The following STXBP5L variants were observed in gnomAD, a reference collection of about 807,000 sequenced individuals.
The protein encoded by STXBP5L is syntaxin binding protein 5L, also known as syntaxin-binding protein 5-like.
A neutral mutation model predicts 144.5 loss-of-function variants in STXBP5L; 65 were observed. The observed-to-expected ratio is 0.45, with a 90% CI of 0.37 to 0.55. The LOEUF is 0.55. Ranked by LOEUF, STXBP5L falls within the 20% of genes least tolerant of loss-of-function variation. The pLI, the probability that STXBP5L is intolerant of heterozygous loss-of-function variation, is 0.00. For synonymous variants in STXBP5L, 505 were observed against 469.6 expected (o/e 1.08, Z -0.97); for missense variants, 1,298 against 1,405.5 (o/e 0.92, Z 1.22).
chr3:121,381,237 G>A lies in STXBP5L; in HGVS notation c.2348-56G>A. ...TTGATTTATATATATTAAATCTGAT[G>A]TTATTGTGGAAATATACTAACAATT... On this transcript the variant is annotated intron_variant, in intron 21 of 26. Coordinates refer to ENST00000471454, the MANE Select transcript of STXBP5L (RefSeq NM_001308330.2). 4.0e-6 allele frequency: 6 copies of A among 1,487,828 alleles called. No homozygotes were observed. In the South Asian group the frequency reaches 6.3e-5, roughly 16 times the overall value. The allele number at this position is 1,487,828 out of a possible 1,614,324, so 92.2% of individuals were successfully genotyped here.
chr3:121,021,167 A>G (rs1560012428), intron 3 of STXBP5L, among the ~76,000 whole-genome samples: 1 of 152,132 alleles, frequency 6.6e-6, no homozygotes, highest in Non-Finnish European at 1.5e-5. Flanking sequence ...GCAGTTAAAA[A>G]AGAGGGGCAT....
chr3:121,029,456 G>A (rs1251065622), intron 3 of STXBP5L, among the ~76,000 whole-genome samples: 3 of 152,154 alleles, frequency 2.0e-5, no homozygotes, highest in African/African-American at 7.2e-5. Context: ...TATAAATGGT[G>A]TTGGGAAAAC....
intron 3 of STXBP5L, among the ~76,000 whole-genome samples, chr3:120,958,134 A>G (rs1021783905): frequency 2.6e-5 from 4 of 152,206 alleles, no homozygotes; most frequent in Admixed American, 6.5e-5. Context: ...AAACAACTCT[A>G]TGCAAATAAA....
intron 18 of STXBP5L, among the ~76,000 whole-genome samples, chr3:121,270,320 A>T (rs745599066): frequency 6.6e-6 from 1 of 151,416 alleles, no homozygotes; most frequent in Non-Finnish European, 1.5e-5. Context: ...TCTACTTCAC[A>T]TACCATATTA....
chr3:121,338,504 G>C (rs12638972), intron 20 of STXBP5L, among the ~76,000 whole-genome samples: 113,026 of 148,822 alleles, frequency 0.76, 43,035 homozygotes, highest in East Asian at 0.93. Flanking sequence ...ATTAGCTGGG[G>C]GTGGTGGTGC....
chr3:121,394,178 CT>C (rs1010475459), intron 22 of STXBP5L, among the ~76,000 whole-genome samples: 1 of 151,926 alleles, frequency 6.6e-6, no homozygotes, highest in African/African-American at 2.4e-5. Flanking sequence ...TTTTTAATAG[CT>C]GTTATAAATG....
chr3:121,417,894 G>A (rs1227651750), intron 25 of STXBP5L, among the ~76,000 whole-genome samples: 2 of 152,066 alleles, frequency 1.3e-5, no homozygotes, highest in African/African-American at 4.8e-5. Context: ...GAGAGAGAGA[G>A]AGACAGAAAG....
chr3:121,050,477 C>T (rs1339440620), intron 5 of STXBP5L, among the ~76,000 whole-genome samples: 1 of 152,068 alleles, frequency 6.6e-6, no homozygotes, highest in Non-Finnish European at 1.5e-5. Context: ...TCATATCCAG[C>T]CAAACTAAGC....
chr3:121,392,960 A>T (rs527740229), intron 22 of STXBP5L, among the ~76,000 whole-genome samples: 1 of 151,828 alleles, frequency 6.6e-6, no homozygotes, highest in South Asian at 2.1e-4. Context: ...TAGTGGGATC[A>T]CTTGATCAAA....
chr3:121,372,948 A>T (rs1000852729), intron 20 of STXBP5L, among the ~76,000 whole-genome samples: 1 of 152,248 alleles, frequency 6.6e-6, no homozygotes, highest in African/African-American at 2.4e-5. Context: ...TAAAAGAATA[A>T]GTAAATTGGA....
At chr3:121,165,366 G>A (rs2046462212) in intron 9 of STXBP5L, among the ~76,000 whole-genome samples, 1 of 152,038 alleles carries the variant, frequency 6.6e-6, no homozygotes, top group African/African-American at 2.4e-5. Flanking sequence ...CCAGCACTAT[G>A]ATGATATTAT....
chr3:121,367,440 AT>A (rs764117976), intron 20 of STXBP5L, among the ~76,000 whole-genome samples: 85 of 151,832 alleles, frequency 5.6e-4, no homozygotes, highest in Non-Finnish European at 1.1e-3. Flanking sequence ...TCCTCTTAGC[AT>A]TTTAAATATA....
At chr3:121,324,465 C>A (rs564891064) in intron 20 of STXBP5L, 97 of 668,646 alleles carry the variant, frequency 1.5e-4, no homozygotes, top group Middle Eastern at 9.5e-4. Flanking sequence ...GTACTCCATG[C>A]CAATAGTTTT....
At position 121,328,890 on chromosome 3, in the gene STXBP5L, C is replaced by G. The variant is rs540731657; in HGVS notation, c.2176+10350C>G. The stretch of plus-strand genomic sequence containing the variant: ...CTCTCCTAATAGGGGCACTACTGTT[C>G]CTTGTAACTACCACCTTCTATTCCT... On this transcript the variant is annotated intron_variant, in intron 20 of 26. Coordinates refer to ENST00000471454, the MANE Select transcript of STXBP5L (RefSeq NM_001308330.2). 3.3e-5 allele frequency among the ~76,000 whole-genome samples: 5 copies of G among 152,062 alleles called. No individual in the cohort carries two copies. In the East Asian group the frequency reaches 9.7e-4, roughly 29 times the overall value.
intron 13 of STXBP5L, 35 bp from the exon 14 acceptor site, chr3:121,240,405 C>T (rs2049627701): frequency 6.3e-7 from 1 of 1,583,198 alleles, no homozygotes; most frequent in Non-Finnish European, 8.6e-7. Flanking sequence ...GCCATTTAAA[C>T]ATGTATATAT....
intron 5 of STXBP5L, among the ~76,000 whole-genome samples, chr3:121,098,682 A>T (rs1232819320): frequency 2.0e-5 from 3 of 152,132 alleles, no homozygotes; most frequent in Admixed American, 2.0e-4. Flanking sequence ...TTTTGTCGGG[A>T]ATACCTTTGT....
intron 9 of STXBP5L, among the ~76,000 whole-genome samples, chr3:121,180,304 C>T (rs2047091637): frequency 6.6e-6 from 1 of 152,160 alleles, no homozygotes; most frequent in Middle Eastern, 3.2e-3. Context: ...AAACAAAATA[C>T]TTGTTAGCCA....
At chr3:121,356,004 G>A (rs2045498406) in intron 20 of STXBP5L, among the ~76,000 whole-genome samples, 1 of 152,182 alleles carries the variant, frequency 6.6e-6, no homozygotes, top group Admixed American at 6.5e-5. Flanking sequence ...TGTTTGCCTG[G>A]GTATCACCAG....
Position 120,954,920 on chromosome 3 carries a change from T to G in STXBP5L, c.190-20T>G, listed in dbSNP as rs201717690. The G allele has an allele frequency of 1.4e-4, 222 of 1,593,562 alleles. 2 individuals are homozygous for G. In the East Asian group the frequency reaches 4.8e-3, roughly 34 times the overall value. The stretch of plus-strand genomic sequence containing the variant: ...TTTTATTTCCCTAGAGACTTATTGG[T>G]ATTATTTGCTCTCTTTCAGACAGTT... On this transcript the variant is annotated intron_variant, in intron 2 of 26. Transcript: ENST00000471454.
Sources: allele counts gnomAD v4.1 joint callset (sites outside exome capture counted in the v4.1 genomes callset), GRCh38; gene constraint gnomAD v4.1.1; transcripts MANE v1.5; gene names NCBI Gene and HGNC (gene_info 2026-07-23, HGNC 2026-07-21).